TSPAN4: variants seen among roughly 807,000 people sequenced by gnomAD.
The protein encoded by TSPAN4 is tetraspanin-4.
TSPAN4 carries 38 observed loss-of-function variants against 31.5 expected under a neutral mutation model. The observed-to-expected ratio is 1.21, with a 90% CI of 0.93 to 1.58. The LOEUF is 1.58. TSPAN4 is among the 40% of genes most tolerant of loss of function. The probability of loss-of-function intolerance (pLI) is 0.00; values close to 1 mark genes in which losing one functional copy is unlikely to be tolerated. For missense variants in TSPAN4, 330 were observed against 317.3 expected (o/e 1.04, Z -0.30); for synonymous variants, 186 against 144.6 (o/e 1.29, Z -2.06).
intron 3 of TSPAN4, among the ~76,000 whole-genome samples, chr11:853,732 C>T (rs1847885293): frequency 6.6e-6 from 1 of 152,182 alleles, no homozygotes; most frequent in African/African-American, 2.4e-5. Flanking sequence ...GGACATGCTA[C>T]CTGCCTTCAG....
At chr11:850,805 GC>G (rs907156141) in intron 3 of TSPAN4, among the ~76,000 whole-genome samples, 2 of 152,206 alleles carry the variant, frequency 1.3e-5, no homozygotes, top group Admixed American at 1.3e-4. Context: ...CCTTGCCTCG[GC>G]CCCGCCCCTC....
In TSPAN4 at chr11:865,709, G is replaced by A. The variant is rs761857497; in HGVS notation, c.448G>A (p.Val150Ile). Reference protein sequence around the residue: ...IIQTDFRCCGVSNYTDWFEVY... With the variant: ...IIQTDFRCCGISNYTDWFEVY... ...TGCCCCCCAGTTCCGCTGCTGTGGCGTCTCCAACTACACTGACTGGTTCGA... is the reference window on the plus strand; with the variant it reads ...TGCCCCCCAGTTCCGCTGCTGTGGCATCTCCAACTACACTGACTGGTTCGA... The change falls in exon 7 of 9, where the codon GTC (valine) becomes ATC (isoleucine). Residue 150 changes from valine to isoleucine, a missense_variant. Val to Ile is a conservative substitution (Grantham distance 29). Transcript: ENST00000397397. The A allele has an allele frequency of 3.0e-5, 49 of 1,613,256 alleles. No homozygotes were observed. Among genetic ancestry groups the A allele is most frequent in the East Asian group, 4.5e-5 (2 of 44,882 alleles).
intron 8 of TSPAN4, among the ~76,000 whole-genome samples, chr11:866,328 AG>A (rs1848826252): frequency 6.7e-6 from 1 of 150,374 alleles, no homozygotes; most frequent in Non-Finnish European, 1.5e-5. Context: ...CACAGCCCTC[AG>A]GAAGTTCTGG....
At chr11:845,824 G>A (rs774899619) in intron 1 of TSPAN4, among the ~76,000 whole-genome samples, 14 of 152,148 alleles carry the variant, frequency 9.2e-5, no homozygotes, top group Admixed American at 2.6e-4. Flanking sequence ...CCTCCCCTGG[G>A]GCTGCTGGGG....
chr11:853,272 C>T (rs914716433), intron 3 of TSPAN4, among the ~76,000 whole-genome samples: 2 of 152,194 alleles, frequency 1.3e-5, no homozygotes, highest in Non-Finnish European at 2.9e-5. Context: ...ACCTTTGCCT[C>T]CATGTTCTCC....
In TSPAN4 at chr11:864,483, C is replaced by T. The variant is rs201860585; in HGVS notation, c.302C>T (p.Ala101Val). The change falls in exon 5 of 9, where the codon GCC (alanine) becomes GTC (valine). Residue 101 changes from alanine to valine, a missense_variant. Ala to Val is a moderately conservative substitution (Grantham distance 64, BLOSUM62 0). Transcript: ENST00000397397. ...LLVFLLEATIAILFFAYTDKI... is the reference protein window; with the variant it reads ...LLVFLLEATIVILFFAYTDKI... ...GTGTTCCTGCTGGAGGCCACCATCG[C>T]CATCCTCTTCTTCGCCTACACGGAC... is the stretch of plus-strand genomic sequence containing the variant. 2.5e-6 allele frequency: 4 copies of T among 1,612,862 alleles called. No homozygotes were observed. Among genetic ancestry groups the T allele is most frequent in the East Asian group, 4.5e-5 (2 of 44,882 alleles).
intron 3 of TSPAN4, among the ~76,000 whole-genome samples, chr11:861,475 G>A (rs538428820): frequency 6.6e-6 from 1 of 152,326 alleles, no homozygotes; most frequent in South Asian, 2.1e-4. Flanking sequence ...CACTTTGGGA[G>A]GTCGAGGTGG....
chr11:861,722 CAAAA>C (rs574501630), intron 3 of TSPAN4, among the ~76,000 whole-genome samples: 2 of 148,302 alleles, frequency 1.3e-5, no homozygotes, highest in Non-Finnish European at 3.0e-5. Context: ...AAAAAAAAAA[CAAAA>C]AAGACTATTG....
At chr11:861,655 T>C (rs1293362798) in intron 3 of TSPAN4, among the ~76,000 whole-genome samples, 1 of 151,304 alleles carries the variant, frequency 6.6e-6, no homozygotes, top group Admixed American at 6.6e-5. Flanking sequence ...GAGGTTGCAG[T>C]GAGCCGAGAT....
At chr11:845,189 C>G (rs1038882365) in intron 1 of TSPAN4, among the ~76,000 whole-genome samples, 1 of 152,200 alleles carries the variant, frequency 6.6e-6, no homozygotes, top group East Asian at 1.9e-4. Flanking sequence ...CTGGCCCTGT[C>G]CATGCCTGGG....
At chr11:851,162 T>TG (rs1847683501) in intron 3 of TSPAN4, among the ~76,000 whole-genome samples, 1 of 152,094 alleles carries the variant, frequency 6.6e-6, no homozygotes, top group African/African-American at 2.4e-5. Context: ...CCTGGCCAGG[T>TG]TGGAGCAAGC....
intron 1 of TSPAN4, 61 bp from the exon 2 acceptor site, chr11:847,140 T>C (rs952868374): frequency 6.6e-6 from 1 of 152,158 alleles, no homozygotes; most frequent in African/African-American, 2.4e-5. Flanking sequence ...TGGGAGCATC[T>C]CTGGCTGTAC....
In TSPAN4 at chr11:861,980, G is replaced by A. The variant is rs139728048; in HGVS notation, c.64-570G>A. ...AGGAGCAGAGTGTGAGGGAATCAGCGTTTCTCCTGCCACGAGTGACAGGGG... is the reference window on the plus strand; with the variant it reads ...AGGAGCAGAGTGTGAGGGAATCAGCATTTCTCCTGCCACGAGTGACAGGGG... On this transcript the variant is annotated intron_variant, in intron 3 of 8. Coordinates refer to ENST00000397397, the MANE Select transcript of TSPAN4 (RefSeq NM_003271.5). 2.0e-3 allele frequency among the ~76,000 whole-genome samples: 299 copies of A among 152,308 alleles called. 4 individuals are homozygous for A. Among genetic ancestry groups the A allele is most frequent in the African/African-American group, 6.7e-3 (280 of 41,570 alleles).
chr11:860,994 C>T (rs1220067039), intron 3 of TSPAN4, among the ~76,000 whole-genome samples: 1 of 152,112 alleles, frequency 6.6e-6, no homozygotes, highest in Non-Finnish European at 1.5e-5. Context: ...GACTGCTTGT[C>T]CCGTGCCCAG....
In TSPAN4 at chr11:866,854, C is replaced by G. The variant is rs558009546; in HGVS notation, c.*224C>G. 3 of 515,894 alleles carry G rather than the reference C, an allele frequency of 5.8e-6. No individual in the cohort carries two copies. The highest frequency in any genetic ancestry group is 1.0e-5 in the Non-Finnish European group (3 of 290,954). 32.0% of individuals were successfully genotyped at this position (515,894 alleles called of 1,614,324 possible). ...GGGAGGGGTGGCCACGTGCTGGCTG[C>G]GGAACCCAGGGCAGGGGTGGGAGGG... On this transcript the variant is annotated 3_prime_UTR_variant, in exon 9 of 9. Transcript: ENST00000397397.
chr11:852,490 C>G (rs552520198), intron 3 of TSPAN4, among the ~76,000 whole-genome samples: 1 of 152,190 alleles, frequency 6.6e-6, no homozygotes, highest in East Asian at 1.9e-4. Flanking sequence ...CAGCCTTGGC[C>G]CCCCCCAACC....
intron 8 of TSPAN4, 102 bp downstream of exon 8, chr11:866,103 C>A: frequency 2.4e-6 from 3 of 1,249,650 alleles, no homozygotes; most frequent in South Asian, 2.6e-5. Context: ...AACCCACGAT[C>A]GGGGGAGGCC....
chr11:858,602 G>A lies in TSPAN4; in HGVS notation c.64-3948G>A, dbSNP rs920806999. 9.1e-5 allele frequency: 12 copies of A among 132,084 alleles called. 1 individual carries two copies. The highest frequency in any genetic ancestry group is 2.1e-4 in the South Asian group (1 of 4,814). 8.2% of individuals were successfully genotyped at this position (132,084 alleles called of 1,614,324 possible). A position where few individuals can be genotyped will look rare whatever the true frequency, so the allele number is the denominator to read the frequency against. On this transcript the variant is annotated intron_variant, in intron 3 of 8. Coordinates refer to ENST00000397397, the MANE Select transcript of TSPAN4 (RefSeq NM_003271.5). ...GGCTCACACGCACCCCTGCTCACAC[G>A]CACTTCGGCTCACACGCACTCCGGC... is the stretch of plus-strand genomic sequence containing the variant.
At chr11:850,247 C>G (rs753251773) in intron 2 of TSPAN4, 41 bp from the exon 3 acceptor site, 1 of 1,512,694 alleles carries the variant, frequency 6.6e-7, no homozygotes, top group Non-Finnish European at 9.0e-7. Flanking sequence ...GCAACAAGTA[C>G]GTGGTTTTCT....
Sources: gnomAD v4.1 joint callset for allele counts (sites outside exome capture counted in the v4.1 genomes callset) on GRCh38, gnomAD v4.1.1 for gene constraint, MANE v1.5 for transcripts, NCBI Gene and HGNC (gene_info 2026-07-23, HGNC 2026-07-21) for gene names.